BMERB1: variants seen among roughly 807,000 people sequenced by gnomAD.
The protein encoded by BMERB1 is bMERB domain-containing protein 1.
BMERB1 carries 12 observed loss-of-function variants against 23.6 expected under a neutral mutation model. That is an observed-to-expected ratio of 0.51 (90% CI 0.33 to 0.82). The LOEUF is 0.82. Among genes scored for constraint, BMERB1 ranks in the 40% least tolerant of loss-of-function variants. BMERB1 has a pLI of 0.03. For synonymous variants in BMERB1, 122 were observed against 96.6 expected, an observed-to-expected ratio of 1.26 and a Z score of -1.54; for missense variants, 247 against 255.4, an observed-to-expected ratio of 0.97 and a Z score of 0.22.
At chr16:15,444,141 T>TTTTTTTTTTG (rs2050969532) in intron 1 of BMERB1, among the ~76,000 whole-genome samples, 1 of 128,602 alleles carries the variant, frequency 7.8e-6, no homozygotes, top group Non-Finnish European at 1.7e-5. Flanking sequence ...TTTTTTTTTT[T>TTTTTTTTTTG]TTTTTTTTTG....
intron 2 of BMERB1, among the ~76,000 whole-genome samples, chr16:15,522,619 A>C (rs73499124): frequency 0.029 from 4,429 of 152,282 alleles, 201 homozygotes; most frequent in South Asian, 0.11. Context: ...AGGCACTGAG[A>C]GGTCAAGTCT....
chr16:15,462,213 G>A (rs758971665), intron 1 of BMERB1, among the ~76,000 whole-genome samples: 3 of 120,960 alleles, frequency 2.5e-5, no homozygotes, highest in African/African-American at 3.2e-5. Flanking sequence ...GTGCAATGGC[G>A]CCATCTTGGC....
At chr16:15,571,866 A>C (rs11866772) in intron 3 of BMERB1, among the ~76,000 whole-genome samples, 3 of 151,866 alleles carry the variant, frequency 2.0e-5, no homozygotes, top group Admixed American at 2.0e-4. Context: ...CCTTTATCCT[A>C]TGTAAAATGC....
At chr16:15,481,842 A>G (rs1033080163) in intron 1 of BMERB1, among the ~76,000 whole-genome samples, 5 of 150,962 alleles carry the variant, frequency 3.3e-5, no homozygotes, top group African/African-American at 9.8e-5. Flanking sequence ...CTCCTACCTC[A>G]GCCTCCCAAG....
At chr16:15,436,617 A>C (rs1298254796) in intron 1 of BMERB1, among the ~76,000 whole-genome samples, 1 of 152,074 alleles carries the variant, frequency 6.6e-6, no homozygotes, top group Non-Finnish European at 1.5e-5. Context: ...GTGTTGTGCT[A>C]TCAGATACTA....
chr16:15,447,729 C>T (rs1055454789), intron 1 of BMERB1, among the ~76,000 whole-genome samples: 1 of 151,840 alleles, frequency 6.6e-6, no homozygotes, highest in African/African-American at 2.4e-5. Flanking sequence ...TGACGATGAG[C>T]GTGGAGATTT....
chr16:15,545,004 G>A (rs936571418), intron 2 of BMERB1, among the ~76,000 whole-genome samples: 6 of 151,480 alleles, frequency 4.0e-5, no homozygotes, highest in South Asian at 2.1e-4. Flanking sequence ...ACGGAGTCTC[G>A]CTCTATCACC....
At chr16:15,484,864 T>C (rs1354025399) in intron 1 of BMERB1, among the ~76,000 whole-genome samples, 1 of 152,236 alleles carries the variant, frequency 6.6e-6, no homozygotes, top group East Asian at 1.9e-4. Flanking sequence ...CACTTACCCA[T>C]TGACCCCTTA....
chr16:15,436,518 C>G (rs927915301), intron 1 of BMERB1, among the ~76,000 whole-genome samples: 9 of 152,150 alleles, frequency 5.9e-5, no homozygotes, highest in Non-Finnish European at 8.8e-5. Flanking sequence ...CCTGGCCTCC[C>G]AAAGTGCCGG....
intron 2 of BMERB1, among the ~76,000 whole-genome samples, chr16:15,564,267 G>C (rs1007883371): frequency 2.0e-5 from 3 of 152,154 alleles, no homozygotes; most frequent in African/African-American, 7.2e-5. Context: ...GTTCCCATAA[G>C]CCTAAGGACC....
chr16:15,550,005 A>G (rs2030038860), intron 2 of BMERB1, among the ~76,000 whole-genome samples: 1 of 151,382 alleles, frequency 6.6e-6, no homozygotes. Flanking sequence ...GCTGGAGTGC[A>G]GTGGTGCCAT....
At position 15,459,125 on chromosome 16, in the gene BMERB1, A is replaced by G. The variant is rs551365045; in HGVS notation, c.106+24366A>G. 2.0e-5 allele frequency among the ~76,000 whole-genome samples: 3 copies of G among 152,194 alleles called. No individual in the cohort carries two copies. In the South Asian group the frequency reaches 6.2e-4, roughly 32 times the overall value. ...TCTGTCTCAAGAAACAAACAAACAAACAAAACACACACACAAACAAACAAA... is the reference window on the plus strand; with the variant it reads ...TCTGTCTCAAGAAACAAACAAACAAGCAAAACACACACACAAACAAACAAA... On this transcript the variant is annotated intron_variant, in intron 1 of 5. Coordinates refer to ENST00000300006, the MANE Select transcript of BMERB1 (RefSeq NM_033201.3).
intron 1 of BMERB1, among the ~76,000 whole-genome samples, chr16:15,484,621 C>G (rs987194882): frequency 6.6e-6 from 1 of 152,132 alleles, no homozygotes. Flanking sequence ...AGGCTGGTCT[C>G]GAGCTCCTGA....
intron 2 of BMERB1, among the ~76,000 whole-genome samples, chr16:15,531,228 G>A (rs1030672860): frequency 1.3e-5 from 2 of 152,012 alleles, no homozygotes; most frequent in African/African-American, 2.4e-5. Flanking sequence ...TTCTTTACAA[G>A]TTACTCCTTC....
At chr16:15,558,133 C>T (rs1489031368) in intron 2 of BMERB1, among the ~76,000 whole-genome samples, 1 of 152,110 alleles carries the variant, frequency 6.6e-6, no homozygotes, top group African/African-American at 2.4e-5. Flanking sequence ...TATCAAGGGT[C>T]TGGCTGTTTC....
chr16:15,485,356 A>G (rs1413905334), intron 1 of BMERB1, among the ~76,000 whole-genome samples: 2 of 152,206 alleles, frequency 1.3e-5, no homozygotes, highest in Admixed American at 6.5e-5. Flanking sequence ...TGATCTTGTC[A>G]TCACTTAGCA....
At chr16:15,489,835 GTTTTC>G (rs1308835158) in intron 1 of BMERB1, among the ~76,000 whole-genome samples, 1 of 151,792 alleles carries the variant, frequency 6.6e-6, no homozygotes, top group Non-Finnish European at 1.5e-5. Flanking sequence ...TTTCACCCCA[GTTTTC>G]TTTTATTTTC....
intron 2 of BMERB1, among the ~76,000 whole-genome samples, chr16:15,534,653 TC>T (rs1175948101): frequency 6.6e-6 from 1 of 152,178 alleles, no homozygotes; most frequent in Non-Finnish European, 1.5e-5. Context: ...GTTAACAAGA[TC>T]TTTTTCACCA....
chr16:15,493,561 G>A (rs762955644), intron 1 of BMERB1, among the ~76,000 whole-genome samples: 5 of 151,918 alleles, frequency 3.3e-5, no homozygotes, highest in African/African-American at 4.8e-5. Flanking sequence ...TTTTCAGTCC[G>A]ACATGAATGC....
Sources: gnomAD v4.1 joint callset for allele counts (sites outside exome capture counted in the v4.1 genomes callset) on GRCh38, gnomAD v4.1.1 for gene constraint, MANE v1.5 for transcripts, NCBI Gene and HGNC (gene_info 2026-07-23, HGNC 2026-07-21) for gene names.